The following PLPPR1 variants were observed in gnomAD, a reference collection of about 807,000 sequenced individuals.
The protein encoded by PLPPR1 is phospholipid phosphatase-related protein type 1.
Under a neutral mutation model 33.1 loss-of-function variants are expected in PLPPR1, and 10 were observed. The observed-to-expected ratio is 0.30, with a 90% CI of 0.19 to 0.51. PLPPR1 has a LOEUF of 0.51. PLPPR1 is among the 20% of genes least tolerant of loss of function. PLPPR1 has a pLI of 0.97. For synonymous variants in PLPPR1, 151 were observed against 151.0 expected, an observed-to-expected ratio of 1.00 and a Z score of 0.00; for missense variants, 304 against 408.1, an observed-to-expected ratio of 0.74 and a Z score of 2.20.
At chr9:101,068,145 T>C (rs555121978) in intron 1 of PLPPR1, among the ~76,000 whole-genome samples, 208 of 152,280 alleles carry the variant, frequency 1.4e-3, no homozygotes, top group Non-Finnish European at 2.3e-3. Flanking sequence ...GCAAATACCA[T>C]GTACAAGTCC....
At chr9:101,087,594 C>T (rs1014086669) in intron 1 of PLPPR1, among the ~76,000 whole-genome samples, 34 of 152,190 alleles carry the variant, frequency 2.2e-4, no homozygotes, top group African/African-American at 8.2e-4. Flanking sequence ...CCCTCTAAAA[C>T]CAATGTAGAC....
At chr9:101,146,615 G>T (rs140360652) in intron 1 of PLPPR1, among the ~76,000 whole-genome samples, 42 of 152,334 alleles carry the variant, frequency 2.8e-4, no homozygotes, top group African/African-American at 1.0e-3. Context: ...GAACAAGCAA[G>T]TTCCAAGCAC....
intron 1 of PLPPR1, among the ~76,000 whole-genome samples, chr9:101,151,422 T>G (rs1293241304): frequency 2.0e-5 from 3 of 152,220 alleles, no homozygotes; most frequent in Non-Finnish European, 4.4e-5. Context: ...TTTGTACTTA[T>G]TATCAAAGGA....
At chr9:101,231,507 T>C (rs1827186635) in intron 2 of PLPPR1, among the ~76,000 whole-genome samples, 1 of 152,068 alleles carries the variant, frequency 6.6e-6, no homozygotes, top group Non-Finnish European at 1.5e-5. Context: ...TTCCACATTG[T>C]TTTTTAAAAT....
At chr9:101,150,006 A>G (rs16919985) in intron 1 of PLPPR1, among the ~76,000 whole-genome samples, 2,506 of 151,938 alleles carry the variant, frequency 0.016, 69 homozygotes, top group African/African-American at 0.058. Flanking sequence ...GTTTTATGTC[A>G]TTTCTTTAAG....
intron 3 of PLPPR1, among the ~76,000 whole-genome samples, chr9:101,275,036 G>A (rs1320776568): frequency 6.6e-6 from 1 of 152,178 alleles, no homozygotes; most frequent in African/African-American, 2.4e-5. Context: ...GTTTGATTTT[G>A]CACCTCTGTG....
rs147338897 is a variant in PLPPR1, at chr9:101,315,514, C to T, written c.814-1851C>T. Among the ~76,000 whole-genome samples, 666 of 152,294 alleles carry T rather than the reference C, an allele frequency of 4.4e-3. 9 individuals are homozygous for T. The highest frequency in any genetic ancestry group is 0.015 in the African/African-American group (634 of 41,548). ...GCCCCATACACAAATCCTGCTTCAA[C>T]GTTAAACTTGTTTTCTCTCCATAAC... On this transcript the variant is annotated intron_variant, in intron 6 of 7. Transcript: ENST00000374874.
intron 1 of PLPPR1, among the ~76,000 whole-genome samples, chr9:101,063,427 C>T (rs1466722777): frequency 6.6e-6 from 1 of 152,030 alleles, no homozygotes; most frequent in Admixed American, 6.6e-5. Flanking sequence ...GGTGGCACTT[C>T]CACCCACATG....
chr9:101,212,217 G>C (rs1826704383), intron 2 of PLPPR1, among the ~76,000 whole-genome samples: 1 of 152,012 alleles, frequency 6.6e-6, no homozygotes, highest in Admixed American at 6.6e-5. Flanking sequence ...CTAGTAGCTG[G>C]GATTACAGAC....
Position 101,269,099 on chromosome 9 carries a change from A to G in PLPPR1, c.64-781A>G, listed in dbSNP as rs1056393391. 9.2e-5 allele frequency among the ~76,000 whole-genome samples: 14 copies of G among 152,172 alleles called. No individual in the cohort carries two copies. The South Asian group carries it at 2.9e-3, about 31-fold the overall frequency. ...GAATGGAAAAACATGTTACATTTCC[A>G]TATCCCCTCAGTTCCACATACCTGC... On this transcript the variant is annotated intron_variant, in intron 2 of 7. Coordinates refer to ENST00000374874, the MANE Select transcript of PLPPR1 (RefSeq NM_207299.2).
chr9:101,147,492 G>A (rs1296229739), intron 1 of PLPPR1, among the ~76,000 whole-genome samples: 4 of 152,098 alleles, frequency 2.6e-5, no homozygotes, highest in African/African-American at 9.7e-5. Context: ...ATAGCATAAA[G>A]CATAGAGACC....
chr9:101,147,919 A>G (rs987286030), intron 1 of PLPPR1, among the ~76,000 whole-genome samples: 1 of 152,156 alleles, frequency 6.6e-6, no homozygotes, highest in African/African-American at 2.4e-5. Flanking sequence ...GTCAAGTCCA[A>G]GGGGCTTTCT....
chr9:101,155,375 C>A (rs543905996), intron 1 of PLPPR1, among the ~76,000 whole-genome samples: 59 of 152,258 alleles, frequency 3.9e-4, no homozygotes, highest in African/African-American at 1.3e-3. Context: ...GAGAGGCTTG[C>A]ATCTGGTGAG....
chr9:101,219,612 A>T (rs975688924), intron 2 of PLPPR1, among the ~76,000 whole-genome samples: 10 of 152,222 alleles, frequency 6.6e-5, no homozygotes, highest in Admixed American at 2.6e-4. Context: ...AAGATGTTCT[A>T]CTTGTGGTAT....
chr9:101,200,486 C>T (rs1412152941), intron 2 of PLPPR1, among the ~76,000 whole-genome samples: 3 of 152,150 alleles, frequency 2.0e-5, no homozygotes, highest in Non-Finnish European at 4.4e-5. Context: ...AAACTTTATT[C>T]TAACAAAACT....
intron 2 of PLPPR1, among the ~76,000 whole-genome samples, chr9:101,195,691 A>G (rs1826381513): frequency 6.6e-6 from 1 of 152,130 alleles, no homozygotes. Flanking sequence ...GGCATCTCCC[A>G]GCTTCTACCC....
chr9:101,064,977 C>A (rs1205717651), intron 1 of PLPPR1, among the ~76,000 whole-genome samples: 3 of 151,974 alleles, frequency 2.0e-5, no homozygotes, highest in Non-Finnish European at 4.4e-5. Flanking sequence ...AAATCACCTC[C>A]CAAAGGTCCT....
At chr9:101,191,253 C>T (rs977482303) in intron 2 of PLPPR1, among the ~76,000 whole-genome samples, 6 of 152,110 alleles carry the variant, frequency 3.9e-5, no homozygotes, top group African/African-American at 9.7e-5. Context: ...AGAAAATTGA[C>T]AATCTTTAAT....
intron 4 of PLPPR1, among the ~76,000 whole-genome samples, chr9:101,291,881 C>T (rs1828516359): frequency 6.6e-6 from 1 of 152,156 alleles, no homozygotes; most frequent in South Asian, 2.1e-4. Flanking sequence ...AAAAGCAGAG[C>T]ACCTCTCCTC....
Sources: gnomAD v4.1 joint callset for allele counts (sites outside exome capture counted in the v4.1 genomes callset) on GRCh38, gnomAD v4.1.1 for gene constraint, MANE v1.5 for transcripts, NCBI Gene and HGNC (gene_info 2026-07-23, HGNC 2026-07-21) for gene names.